Variants in SYNDIG1L observed in about 807,000 individuals in gnomAD.
SYNDIG1L encodes synapse differentiation-inducing gene protein 1-like.
In SYNDIG1L, 13 loss-of-function variants were observed where a neutral mutation model predicts 20.1. The ratio of observed to expected loss-of-function variants is 0.65; its 90% confidence interval spans 0.42 to 1.03. The LOEUF is 1.03. SYNDIG1L is among the 50% of genes least tolerant of loss of function. SYNDIG1L has a pLI of 0.00. For synonymous variants in SYNDIG1L, 128 were observed against 129.3 expected, an observed-to-expected ratio of 0.99 and a Z score of 0.07; for missense variants, 294 against 305.1, an observed-to-expected ratio of 0.96 and a Z score of 0.27.
chr14:74,447,307 C>T, the SYNDIG1L span, among the ~76,000 whole-genome samples: 1 of 151,884 alleles, frequency 6.6e-6, no homozygotes, highest in Non-Finnish European at 1.5e-5. Context: ...GTAACATAGC[C>T]CCCCAAAAAT....
At chr14:74,479,011 G>A in the SYNDIG1L span, among the ~76,000 whole-genome samples, 1 of 152,154 alleles carries the variant, frequency 6.6e-6, no homozygotes, top group Non-Finnish European at 1.5e-5. Flanking sequence ...CGAAGCCAGA[G>A]ACCCGCACAA....
chr14:74,432,203 G>A, the SYNDIG1L span, among the ~76,000 whole-genome samples: 1 of 149,398 alleles, frequency 6.7e-6, no homozygotes, highest in Non-Finnish European at 1.5e-5. Context: ...GAGAGAGAAA[G>A]GGAGAAGAAG....
intron 1 of SYNDIG1L, among the ~76,000 whole-genome samples, chr14:74,424,530 A>C (rs2086249618): frequency 6.6e-6 from 1 of 152,156 alleles, no homozygotes; most frequent in Non-Finnish European, 1.5e-5. Context: ...GAAAAAATAA[A>C]AACCGGTGAG....
chr14:74,478,853 T>C, the SYNDIG1L span, among the ~76,000 whole-genome samples: 1 of 152,230 alleles, frequency 6.6e-6, no homozygotes, highest in Non-Finnish European at 1.5e-5. Context: ...GTGTTTTACA[T>C]GCCTCATCTC....
At chr14:74,434,585 A>G in the SYNDIG1L span, among the ~76,000 whole-genome samples, 1 of 152,000 alleles carries the variant, frequency 6.6e-6, no homozygotes, top group African/African-American at 2.4e-5. Context: ...GCAAGCTGGA[A>G]CATCCAGAAG....
At chr14:74,459,252 A>T in the SYNDIG1L span, among the ~76,000 whole-genome samples, 6 of 152,238 alleles carry the variant, frequency 3.9e-5, no homozygotes, top group East Asian at 9.6e-4. Context: ...GTGGTGGCTC[A>T]CACCTGTAAT....
upstream of SYNDIG1L, among the ~76,000 whole-genome samples, chr14:74,429,210 C>CT (rs1226438898): frequency 6.6e-6 from 1 of 152,174 alleles, no homozygotes; most frequent in Admixed American, 6.5e-5. Flanking sequence ...AGCATCCTCG[C>CT]TGGGACTAGG....
At chr14:74,426,396 C>T (rs1384141270), upstream of SYNDIG1L, among the ~76,000 whole-genome samples, 1 of 151,986 alleles carries the variant, frequency 6.6e-6, no homozygotes, top group Admixed American at 6.5e-5. Context: ...GCGAGGGGCG[C>T]GCAGCTGGAA....
intron 1 of SYNDIG1L, among the ~76,000 whole-genome samples, chr14:74,412,644 C>T (rs1341406390): frequency 6.6e-6 from 1 of 152,212 alleles, no homozygotes; most frequent in Non-Finnish European, 1.5e-5. Flanking sequence ...CCCTTCCCTA[C>T]CATAGCCCCT....
chr14:74,454,543 T>C, the SYNDIG1L span, among the ~76,000 whole-genome samples: 349 of 152,354 alleles, frequency 2.3e-3, no homozygotes, highest in African/African-American at 7.9e-3. Flanking sequence ...TTATTCATTA[T>C]AGGCACAATG....
At chr14:74,477,569 A>G in the SYNDIG1L span, among the ~76,000 whole-genome samples, 1 of 152,316 alleles carries the variant, frequency 6.6e-6, no homozygotes, top group South Asian at 2.1e-4. Context: ...GTCAACTAAG[A>G]TTTAAAAACC....
intron 1 of SYNDIG1L, among the ~76,000 whole-genome samples, chr14:74,411,992 T>C (rs531927955): frequency 1.3e-5 from 2 of 152,256 alleles, no homozygotes; most frequent in East Asian, 3.9e-4. Context: ...GAGTTCCATA[T>C]AGGCTGTCAT....
the SYNDIG1L span, among the ~76,000 whole-genome samples, chr14:74,455,459 G>A: frequency 0.027 from 4,089 of 149,434 alleles, 79 homozygotes; most frequent in Non-Finnish European, 0.041. Context: ...GCAGTGGTGC[G>A]ATCTTGGCTC....
chr14:74,440,478 G>A, the SYNDIG1L span, among the ~76,000 whole-genome samples: 1 of 144,240 alleles, frequency 6.9e-6, no homozygotes, highest in African/African-American at 2.7e-5. Context: ...TCGCGCCACT[G>A]CTCTCCAGCC....
intron 1 of SYNDIG1L, among the ~76,000 whole-genome samples, chr14:74,418,015 AC>A (rs2086190704): frequency 1.3e-5 from 2 of 152,216 alleles, no homozygotes; most frequent in Non-Finnish European, 1.5e-5. Context: ...AGAGATAAAA[AC>A]CAGAACTTCC....
chr14:74,453,507 T>C, the SYNDIG1L span, among the ~76,000 whole-genome samples: 1 of 151,878 alleles, frequency 6.6e-6, no homozygotes, highest in African/African-American at 2.4e-5. Flanking sequence ...ATGATGAGTG[T>C]GTTTGTTATT....
chr14:74,435,914 G>C, the SYNDIG1L span, among the ~76,000 whole-genome samples: 2 of 152,192 alleles, frequency 1.3e-5, no homozygotes, highest in African/African-American at 4.8e-5. Context: ...GAGTGAGTGT[G>C]TCCAAGTTTC....
chr14:74,479,959 G>A, the SYNDIG1L span: 11 of 1,308,618 alleles, frequency 8.4e-6, no homozygotes, highest in East Asian at 1.5e-4. Flanking sequence ...CAAGACAAAC[G>A]AGTTTTTATT....
chr14:74,460,502 C>T, the SYNDIG1L span, among the ~76,000 whole-genome samples: 2 of 152,348 alleles, frequency 1.3e-5, no homozygotes, highest in African/African-American at 2.4e-5. Flanking sequence ...TACAACCCCA[C>T]GCACTTCGTG....
Sources: allele counts gnomAD v4.1 joint callset (sites outside exome capture counted in the v4.1 genomes callset), GRCh38; gene constraint gnomAD v4.1.1; transcripts MANE v1.5; gene names NCBI Gene and HGNC (gene_info 2026-07-23, HGNC 2026-07-21).